RUNDC3B: variants seen among roughly 807,000 people sequenced by gnomAD.
The protein encoded by RUNDC3B is RUN domain-containing protein 3B.
Under a neutral mutation model 58.4 loss-of-function variants are expected in RUNDC3B, and 33 were observed. The observed-to-expected ratio is 0.56, with a 90% CI of 0.43 to 0.75. The LOEUF is 0.75. RUNDC3B is among the 30% of genes least tolerant of loss of function. The probability of loss-of-function intolerance (pLI) is 0.00; values close to 1 mark genes in which losing one functional copy is unlikely to be tolerated. For missense variants in RUNDC3B, 501 were observed against 535.7 expected (o/e 0.94, Z 0.64); for synonymous variants, 193 against 195.2 (o/e 0.99, Z 0.10).
intron 6 of RUNDC3B, among the ~76,000 whole-genome samples, chr7:87,744,154 C>A (rs1454788258): frequency 1.3e-5 from 2 of 152,150 alleles, no homozygotes; most frequent in African/African-American, 4.8e-5. Flanking sequence ...GTTCTCTATT[C>A]TGTTCCACTG....
intron 6 of RUNDC3B, among the ~76,000 whole-genome samples, chr7:87,752,015 C>T (rs147042332): frequency 0.03 from 4,538 of 152,198 alleles, 64 homozygotes; most frequent in Middle Eastern, 0.048. Flanking sequence ...GTGGGTTTGT[C>T]GTAGATAGCT....
intron 9 of RUNDC3B, among the ~76,000 whole-genome samples, chr7:87,808,408 C>T (rs1836549082): frequency 6.6e-6 from 1 of 151,962 alleles, no homozygotes; most frequent in Non-Finnish European, 1.5e-5. Context: ...TTATTAGTAG[C>T]CAGATATTTC....
rs538113342 is a variant in RUNDC3B, at chr7:87,778,456, A to G, written c.956+501A>G. Among the ~76,000 whole-genome samples the G allele has an allele frequency of 1.3e-4, 19 of 151,726 alleles. 1 individual carries two copies. In the South Asian group the frequency reaches 3.3e-3, roughly 27 times the overall value. On this transcript the variant is annotated intron_variant, in intron 8 of 10. Transcript: ENST00000394654. ...AAACTCTGTCAAAAAAAAAAAAAAA[A>G]GGAATAAGAATAAGAAAATACAAGA...
At chr7:87,797,089 A>G (rs903254142) in intron 8 of RUNDC3B, among the ~76,000 whole-genome samples, 1 of 152,212 alleles carries the variant, frequency 6.6e-6, no homozygotes, top group Admixed American at 6.5e-5. Context: ...GTGTATAAAG[A>G]TGTAATTTTG....
intron 2 of RUNDC3B, among the ~76,000 whole-genome samples, chr7:87,667,786 T>C (rs1825410747): frequency 6.6e-6 from 1 of 152,148 alleles, no homozygotes; most frequent in Admixed American, 6.6e-5. Context: ...ATGAATCATG[T>C]TTATTGATTT....
chr7:87,649,536 C>G (rs1823363481), intron 1 of RUNDC3B, among the ~76,000 whole-genome samples: 1 of 152,058 alleles, frequency 6.6e-6, no homozygotes, highest in Admixed American at 6.5e-5. Context: ...GGATAATTCT[C>G]CATTGAGAAG....
At chr7:87,762,001 T>G (rs1336515287) in intron 6 of RUNDC3B, among the ~76,000 whole-genome samples, 2 of 151,786 alleles carry the variant, frequency 1.3e-5, no homozygotes, top group Non-Finnish European at 3.0e-5. Context: ...GGCTTGATCT[T>G]AAAATATATT....
chr7:87,761,310 A>G (rs2130853965), intron 6 of RUNDC3B, among the ~76,000 whole-genome samples: 1 of 152,130 alleles, frequency 6.6e-6, no homozygotes, highest in East Asian at 1.9e-4. Flanking sequence ...AGCTATATCC[A>G]AAATCAACAA....
intron 7 of RUNDC3B, among the ~76,000 whole-genome samples, chr7:87,772,829 GA>G (rs1584167368): frequency 6.6e-6 from 1 of 151,836 alleles, no homozygotes; most frequent in Non-Finnish European, 1.5e-5. Flanking sequence ...TAGATTTTTT[GA>G]AAAATAATTA....
At chr7:87,730,498 T>C (rs1305938816) in intron 4 of RUNDC3B, among the ~76,000 whole-genome samples, 1 of 150,822 alleles carries the variant, frequency 6.6e-6, no homozygotes, top group East Asian at 2.0e-4. Flanking sequence ...GGAGGAAGAG[T>C]GGAAAGGACT....
intron 1 of RUNDC3B, among the ~76,000 whole-genome samples, chr7:87,630,595 A>G (rs977435965): frequency 6.6e-6 from 1 of 152,120 alleles, no homozygotes; most frequent in Non-Finnish European, 1.5e-5. Flanking sequence ...CAACATATAC[A>G]GTGCTTCTTG....
chr7:87,828,114 T>C (rs1837931261), intron 10 of RUNDC3B, among the ~76,000 whole-genome samples: 1 of 152,220 alleles, frequency 6.6e-6, no homozygotes, highest in Non-Finnish European at 1.5e-5. Context: ...TCCACCTGGG[T>C]ATAAACCCAT....
intron 3 of RUNDC3B, among the ~76,000 whole-genome samples, chr7:87,703,970 G>A (rs1227970199): frequency 5.3e-5 from 6 of 113,504 alleles, no homozygotes; most frequent in Non-Finnish European, 6.8e-5. Flanking sequence ...GCCCAGGCTG[G>A]AGTGCAAAGG....
intron 6 of RUNDC3B, among the ~76,000 whole-genome samples, chr7:87,769,690 G>C (rs1834167187): frequency 6.6e-6 from 1 of 151,552 alleles, no homozygotes; most frequent in Non-Finnish European, 1.5e-5. Context: ...GAACGTGCAG[G>C]TTTGTTACAT....
chr7:87,646,159 T>C (rs1822977429), intron 1 of RUNDC3B, among the ~76,000 whole-genome samples: 1 of 152,204 alleles, frequency 6.6e-6, no homozygotes, highest in Admixed American at 6.5e-5. Context: ...ATGACACAGA[T>C]AGTATCTTCT....
At position 87,628,584 on chromosome 7, in the gene RUNDC3B, C is replaced by CGTGTGTGTGT. The variant is rs71117546; in HGVS notation, c.-208_-199dup. ...CGAGGGCGGAGGTGGTGCGTGCGTG[C>CGTGTGTGTGT]GTGTGTGTGTGTGTGTGTGTGTGTG... On this transcript the variant is annotated 5_prime_UTR_variant, in exon 1 of 11. Transcript: ENST00000394654. 5.4e-4 allele frequency: 158 copies of CGTGTGTGTGT among 290,748 alleles called. No individual in the cohort carries two copies. Among genetic ancestry groups the CGTGTGTGTGT allele is most frequent in the Admixed American group, 9.5e-4 (18 of 18,874 alleles). The allele number at this position is 290,748 out of a possible 1,614,324, so 18.0% of individuals were successfully genotyped here. A position where few individuals can be genotyped will look rare whatever the true frequency, so the allele number is the denominator to read the frequency against.
chr7:87,714,649 A>T (rs1830383208), intron 4 of RUNDC3B, among the ~76,000 whole-genome samples: 1 of 152,178 alleles, frequency 6.6e-6, no homozygotes, highest in Non-Finnish European at 1.5e-5. Context: ...ACGTGAAGAT[A>T]GACAACTGGT....
At chr7:87,703,306 CA>C (rs2130707670) in intron 3 of RUNDC3B, among the ~76,000 whole-genome samples, 1 of 151,030 alleles carries the variant, frequency 6.6e-6, no homozygotes, top group African/African-American at 2.4e-5. Context: ...AAGATATGTT[CA>C]AATTAAATAT....
chr7:87,651,529 G>C (rs1434102342), intron 2 of RUNDC3B, among the ~76,000 whole-genome samples: 1 of 151,956 alleles, frequency 6.6e-6, no homozygotes, highest in Non-Finnish European at 1.5e-5. Flanking sequence ...GTATTATATA[G>C]TATAAATCTT....
Sources: gnomAD v4.1 joint callset for allele counts (sites outside exome capture counted in the v4.1 genomes callset) on GRCh38, gnomAD v4.1.1 for gene constraint, MANE v1.5 for transcripts, NCBI Gene and HGNC (gene_info 2026-07-23, HGNC 2026-07-21) for gene names.